Variants in SLC7A2 observed in about 807,000 individuals in gnomAD.
SLC7A2 encodes cationic amino acid transporter 2.
Under a neutral mutation model 58.9 loss-of-function variants are expected in SLC7A2, and 48 were observed. The observed-to-expected ratio is 0.82, with a 90% CI of 0.65 to 1.04. The LOEUF (loss-of-function observed/expected upper bound fraction) is 1.04. Among genes scored for constraint, SLC7A2 ranks in the 50% least tolerant of loss-of-function variants. The pLI, the probability that SLC7A2 is intolerant of heterozygous loss-of-function variation, is 0.00. For synonymous variants in SLC7A2, 363 were observed against 314.5 expected (o/e 1.15, Z -1.63); for missense variants, 1,029 against 818.8 (o/e 1.26, Z -3.13).
At position 17,551,892 on chromosome 8, in the gene SLC7A2, G is replaced by A; in HGVS notation, c.961G>A (p.Glu321Lys). 6.2e-7 allele frequency: 1 copy of A among 1,613,906 alleles called. No homozygotes were observed. The highest frequency in any genetic ancestry group is 8.5e-7 in the Non-Finnish European group (1 of 1,179,976). Residue 321 changes from glutamate (E) to lysine (K), a missense_variant, in exon 7 of 13, where the codon GAA (glutamate) becomes AAA (lysine). Transcript: ENST00000494857. The stretch of plus-strand genomic sequence containing the variant: ...TATGATGCCGTACTACCTCCTCGAT[G>A]AAAAAAGCCCCCTTCCTGTAGCGTT... ...TLMMPYYLLDEKSPLPVAFEY... is the reference protein window; with the variant it reads ...TLMMPYYLLDKKSPLPVAFEY...
At chr8:17,557,028 G>T (rs968717991) in intron 8 of SLC7A2, among the ~76,000 whole-genome samples, 3 of 152,192 alleles carry the variant, frequency 2.0e-5, no homozygotes, top group African/African-American at 7.2e-5. Flanking sequence ...GCCTTGCTAA[G>T]TTAGCCTATC....
chr8:17,505,412 A>G (rs1199975486), intron 2 of SLC7A2, among the ~76,000 whole-genome samples: 1 of 152,172 alleles, frequency 6.6e-6, no homozygotes, highest in African/African-American at 2.4e-5. Context: ...GCCCAGAGGT[A>G]GATGTGGCAG....
chr8:17,567,434 T>C lies in SLC7A2; in HGVS notation c.*2288T>C, dbSNP rs1385185080. ...TTTAGTGAAAAATTATTTTTCCACA[T>C]TGAAACACTTTGCAGACACAAATAT... On this transcript the variant is annotated 3_prime_UTR_variant, in exon 13 of 13. Transcript: ENST00000494857. 2.0e-5 allele frequency: 3 copies of C among 152,656 alleles called. No individual in the cohort carries two copies. Among genetic ancestry groups the C allele is most frequent in the Non-Finnish European group, 4.4e-5 (3 of 68,028 alleles). The allele number at this position is 152,656 out of a possible 1,614,324, so 9.5% of individuals were successfully genotyped here.
chr8:17,544,998 T>C (rs925675943), intron 4 of SLC7A2, among the ~76,000 whole-genome samples: 1 of 152,240 alleles, frequency 6.6e-6, no homozygotes, highest in African/African-American at 2.4e-5. Context: ...GAAGAATTTC[T>C]GTTTTTCTGA....
At chr8:17,510,867 G>A (rs1457539349) in intron 2 of SLC7A2, 3 of 152,148 alleles carry the variant, frequency 2.0e-5, no homozygotes, top group Admixed American at 6.5e-5. Flanking sequence ...TCATCAGTGA[G>A]AGACTGTATA....
intron 2 of SLC7A2, among the ~76,000 whole-genome samples, chr8:17,528,980 A>G (rs1346687809): frequency 6.6e-6 from 1 of 152,104 alleles, no homozygotes; most frequent in Non-Finnish European, 1.5e-5. Flanking sequence ...GGAAGATGAG[A>G]GGGGACCAGT....
rs371755067 is a variant in SLC7A2, at chr8:17,551,728, A to G, written c.833-36A>G. On this transcript the variant is annotated intron_variant, in intron 6 of 12. Coordinates refer to ENST00000494857, the MANE Select transcript of SLC7A2 (RefSeq NM_001370338.1). ...TAATTTCTTTACCTGTTGATGTTTT[A>G]TTAAGCATACACATCTTTTGTTTAT... The G allele has an allele frequency of 4.1e-6, 6 of 1,446,460 alleles. No homozygotes were observed. The African/African-American group carries it at 8.4e-5, about 20-fold the overall frequency. 89.6% of individuals were successfully genotyped at this position (1,446,460 alleles called of 1,614,324 possible). A position where few individuals can be genotyped will look rare whatever the true frequency, so the allele number is the denominator to read the frequency against.
chr8:17,523,951 T>C (rs11989075), intron 2 of SLC7A2, among the ~76,000 whole-genome samples: 1,757 of 151,774 alleles, frequency 0.012, 29 homozygotes, highest in African/African-American at 0.04. Flanking sequence ...AGGACATGAA[T>C]AGACAATTCT....
chr8:17,555,128 T>G (rs372656627), intron 8 of SLC7A2: 59 of 1,584,032 alleles, frequency 3.7e-5, no homozygotes, highest in Admixed American at 8.5e-5. Flanking sequence ...ACTGGAACAT[T>G]TAATTCGCAT....
rs1801966335 is a variant in SLC7A2, at chr8:17,542,707, A to C, written c.-22-611A>C. ...GGATGGTTGAAGTAAAGAGAGACAG[A>C]ACCCAAAAGATGAGGCAATTCACTC... On this transcript the variant is annotated intron_variant, in intron 2 of 12. Coordinates refer to ENST00000494857, the MANE Select transcript of SLC7A2 (RefSeq NM_001370338.1). Among the ~76,000 whole-genome samples, 3 of 152,226 alleles carry C rather than the reference A, an allele frequency of 2.0e-5. No homozygotes were observed. The South Asian group carries it at 6.2e-4, about 32-fold the overall frequency.
chr8:17,545,253 C>T (rs1432453507), intron 4 of SLC7A2, among the ~76,000 whole-genome samples: 4 of 152,084 alleles, frequency 2.6e-5, no homozygotes, highest in Non-Finnish European at 4.4e-5. Flanking sequence ...TTCCCTCACT[C>T]GTACATAAAA....
chr8:17,529,674 A>G (rs1336496161), intron 2 of SLC7A2, among the ~76,000 whole-genome samples: 1 of 151,826 alleles, frequency 6.6e-6, no homozygotes, highest in Non-Finnish European at 1.5e-5. Context: ...AGCTGGGATT[A>G]TATGTGTCCA....
chr8:17,494,073 G>A (rs966387466), upstream of SLC7A2, among the ~76,000 whole-genome samples: 1 of 152,180 alleles, frequency 6.6e-6, no homozygotes, highest in South Asian at 2.1e-4. Flanking sequence ...ACAAGCATTA[G>A]TATCCAGTAT....
upstream of SLC7A2, among the ~76,000 whole-genome samples, chr8:17,495,720 T>C (rs1799941313): frequency 6.6e-6 from 1 of 152,192 alleles, no homozygotes; most frequent in Non-Finnish European, 1.5e-5. Context: ...CGGCTAATTT[T>C]TGTATTTTTA....
At chr8:17,552,198 G>C (rs931592202) in intron 7 of SLC7A2, among the ~76,000 whole-genome samples, 1 of 152,176 alleles carries the variant, frequency 6.6e-6, no homozygotes, top group Non-Finnish European at 1.5e-5. Flanking sequence ...TTTTAAGATA[G>C]TGATGGTCCA....
At chr8:17,511,573 A>G (rs1337622033) in intron 2 of SLC7A2, among the ~76,000 whole-genome samples, 1 of 152,238 alleles carries the variant, frequency 6.6e-6, no homozygotes, top group Non-Finnish European at 1.5e-5. Flanking sequence ...GAATAGATAG[A>G]ATTCAGTCAG....
intron 2 of SLC7A2, among the ~76,000 whole-genome samples, chr8:17,541,721 T>G (rs887334873): frequency 3.3e-5 from 5 of 152,360 alleles, no homozygotes; most frequent in Admixed American, 6.5e-5. Flanking sequence ...GCATATAAGT[T>G]GTACATATTC....
chr8:17,523,601 C>T (rs892218578), intron 2 of SLC7A2, among the ~76,000 whole-genome samples: 6 of 152,170 alleles, frequency 3.9e-5, no homozygotes, highest in African/African-American at 1.2e-4. Flanking sequence ...TCAACTTATA[C>T]AAAAATTAGC....
At chr8:17,531,984 T>C (rs2150713604) in intron 2 of SLC7A2, among the ~76,000 whole-genome samples, 1 of 151,868 alleles carries the variant, frequency 6.6e-6, no homozygotes, top group African/African-American at 2.4e-5. Flanking sequence ...TCCTAACACT[T>C]TGGGAGGCTG....
Sources: gnomAD v4.1 joint callset for allele counts (sites outside exome capture counted in the v4.1 genomes callset) on GRCh38, gnomAD v4.1.1 for gene constraint, MANE v1.5 for transcripts, NCBI Gene and HGNC (gene_info 2026-07-23, HGNC 2026-07-21) for gene names.